The following KCNN2 variants were observed in gnomAD, a reference collection of about 807,000 sequenced individuals.
KCNN2 encodes small conductance calcium-activated potassium channel protein 2.
KCNN2 carries 24 observed loss-of-function variants against 55.5 expected under a neutral mutation model. The ratio of observed to expected loss-of-function variants is 0.43; its 90% CI spans 0.31 to 0.61. The LOEUF is 0.61. Ranked by LOEUF, KCNN2 falls within the 20% of genes least tolerant of loss-of-function variation. KCNN2 has a pLI of 0.08. For missense variants in KCNN2, 754 were observed against 853.6 expected (o/e 0.88, Z 1.45); for synonymous variants, 431 against 336.1 (o/e 1.28, Z -3.09).
intron 2 of KCNN2, among the ~76,000 whole-genome samples, chr5:114,392,717 A>G (rs1450691513): frequency 6.6e-6 from 1 of 151,838 alleles, no homozygotes; most frequent in Non-Finnish European, 1.5e-5. Flanking sequence ...GGGCACCTGT[A>G]GTCTCATTTC....
In KCNN2 at chr5:114,139,469, C is replaced by CA. The variant is rs66526862; in HGVS notation, c.-270-82010dup. 3.0e-3 allele frequency among the ~76,000 whole-genome samples: 437 copies of CA among 144,460 alleles called. 17 individuals carry two copies. Among genetic ancestry groups the CA allele is most frequent in the Admixed American group, 0.028 (400 of 14,348 alleles). 94.8% of individuals were successfully genotyped at this position (144,460 alleles called of 152,430 possible). On this transcript the variant is annotated intron_variant, in intron 1 of 10. Transcript: ENST00000512097. ...CACACTCACACAACCACCCCCCCCA[C>CA]ACACACACACCAGAAAGGAAAATAT...
upstream of KCNN2, among the ~76,000 whole-genome samples, chr5:114,361,418 C>A (rs1323490979): frequency 6.6e-6 from 1 of 152,232 alleles, no homozygotes; most frequent in Non-Finnish European, 1.5e-5. Flanking sequence ...CAAGGCAGGG[C>A]TCAGGCCCCG....
At chr5:114,398,475 A>G (rs1371061549) in intron 2 of KCNN2, among the ~76,000 whole-genome samples, 2 of 145,904 alleles carry the variant, frequency 1.4e-5, no homozygotes, top group Non-Finnish European at 3.0e-5. Context: ...TGATGCTTCC[A>G]GTATTGTTGT....
chr5:114,180,740 A>G (rs191403158), intron 1 of KCNN2, among the ~76,000 whole-genome samples: 2 of 152,242 alleles, frequency 1.3e-5, no homozygotes. Flanking sequence ...CTAATACAAT[A>G]CAGACTATAG....
intron 2 of KCNN2, among the ~76,000 whole-genome samples, chr5:114,325,707 G>T (rs1756702462): frequency 6.6e-6 from 1 of 152,192 alleles, no homozygotes; most frequent in South Asian, 2.1e-4. Context: ...ACCATCTGGT[G>T]ACTCCACAGT....
At chr5:114,424,423 C>A (rs1759558322) in intron 3 of KCNN2, among the ~76,000 whole-genome samples, 1 of 152,190 alleles carries the variant, frequency 6.6e-6, no homozygotes. Context: ...ATTTTTAAAT[C>A]TTGAGGTTCT....
At chr5:114,209,723 T>C (rs896399888) in intron 1 of KCNN2, among the ~76,000 whole-genome samples, 2 of 152,200 alleles carry the variant, frequency 1.3e-5, no homozygotes, top group Non-Finnish European at 2.9e-5. Flanking sequence ...AAAAGCTAAC[T>C]GCTAAAATCT....
chr5:114,218,195 C>G (rs1161908337), intron 1 of KCNN2, among the ~76,000 whole-genome samples: 1 of 152,192 alleles, frequency 6.6e-6, no homozygotes, highest in East Asian at 1.9e-4. Context: ...CAAAACTAAA[C>G]ATAGTCTTCC....
intron 2 of KCNN2, among the ~76,000 whole-genome samples, chr5:114,260,025 G>C (rs763631198): frequency 1.3e-5 from 2 of 152,060 alleles, no homozygotes; most frequent in African/African-American, 4.8e-5. Context: ...TTCCCTCCCA[G>C]CCCTCGTCTG....
At chr5:114,176,773 G>GTTT (rs1180109501) in intron 1 of KCNN2, among the ~76,000 whole-genome samples, 1 of 152,132 alleles carries the variant, frequency 6.6e-6, no homozygotes, top group Non-Finnish European at 1.5e-5. Context: ...AGGGATATTA[G>GTTT]ATACAGAACT....
At chr5:114,485,900 G>T (rs1207341248) in intron 5 of KCNN2, among the ~76,000 whole-genome samples, 1 of 152,088 alleles carries the variant, frequency 6.6e-6, no homozygotes, top group African/African-American at 2.4e-5. Flanking sequence ...ACAAACTTGG[G>T]CCCATAGTTT....
chr5:114,356,914 C>T (rs1407188257), intron 2 of KCNN2, among the ~76,000 whole-genome samples: 1 of 152,084 alleles, frequency 6.6e-6, no homozygotes, highest in African/African-American at 2.4e-5. Context: ...ATAAATGATA[C>T]TATCCTGATT....
At chr5:114,271,828 G>T (rs945406323) in intron 2 of KCNN2, among the ~76,000 whole-genome samples, 1 of 152,098 alleles carries the variant, frequency 6.6e-6, no homozygotes, top group African/African-American at 2.4e-5. Context: ...TTTTCATTCT[G>T]TGTGAAATTG....
At chr5:114,059,559 T>C (rs991590057) in intron 1 of KCNN2, among the ~76,000 whole-genome samples, 3 of 152,304 alleles carry the variant, frequency 2.0e-5, no homozygotes, top group African/African-American at 7.2e-5. Flanking sequence ...AAATATTTGT[T>C]GAATAGATGA....
In KCNN2 at chr5:114,339,814, C is replaced by CAAATAAATAAAT. The variant is rs373432627; in HGVS notation, c.-184-21107_-184-21096dup. On this transcript the variant is annotated intron_variant, in intron 2 of 10. Transcript: ENST00000512097. ...CCAGACCTTATCACAAACAAACAAA[C>CAAATAAATAAAT]AAATAAATAAATAAATAAATAAATA... Among the ~76,000 whole-genome samples, 636 of 147,246 alleles carry CAAATAAATAAAT rather than the reference C, an allele frequency of 4.3e-3. 5 individuals carry two copies. Among genetic ancestry groups the CAAATAAATAAAT allele is most frequent in the Admixed American group, 6.1e-3 (90 of 14,670 alleles).
intron 3 of KCNN2, among the ~76,000 whole-genome samples, chr5:114,441,697 T>G (rs1760221097): frequency 1.3e-5 from 2 of 152,174 alleles, no homozygotes; most frequent in Non-Finnish European, 2.9e-5. Context: ...TAATTTGGTT[T>G]CTGTTTGTTT....
intron 2 of KCNN2, among the ~76,000 whole-genome samples, chr5:114,346,619 G>T (rs1253235434): frequency 6.6e-6 from 1 of 152,134 alleles, no homozygotes; most frequent in South Asian, 2.1e-4. Context: ...CACAGAGATA[G>T]ACATAGATAT....
chr5:114,140,220 T>C (rs902622390), intron 1 of KCNN2, among the ~76,000 whole-genome samples: 1 of 152,240 alleles, frequency 6.6e-6, no homozygotes, highest in African/African-American at 2.4e-5. Flanking sequence ...TTTAAAATTG[T>C]GAAGAGATCT....
intron 2 of KCNN2, among the ~76,000 whole-genome samples, chr5:114,271,942 A>G (rs905906917): frequency 6.6e-6 from 1 of 152,186 alleles, no homozygotes; most frequent in African/African-American, 2.4e-5. Flanking sequence ...TGAGGAGTAC[A>G]TGAATTAATA....
Sources: gnomAD v4.1 joint callset for allele counts (sites outside exome capture counted in the v4.1 genomes callset) on GRCh38, gnomAD v4.1.1 for gene constraint, MANE v1.5 for transcripts, NCBI Gene and HGNC (gene_info 2026-07-23, HGNC 2026-07-21) for gene names.